LRMDA: variants seen among roughly 807,000 people sequenced by gnomAD.
LRMDA encodes the protein leucine-rich melanocyte differentiation-associated protein.
Under a neutral mutation model 29.8 loss-of-function variants are expected in LRMDA, and 18 were observed. The ratio of observed to expected loss-of-function variants is 0.60; its 90% confidence interval spans 0.42 to 0.90. The LOEUF is 0.90. Ranked by LOEUF, LRMDA falls within the 40% of genes least tolerant of loss-of-function variation. LRMDA has a pLI of 0.00. For missense variants in LRMDA, 273 were observed against 273.9 expected (o/e 1.00, Z 0.02); for synonymous variants, 125 against 109.4 (o/e 1.14, Z -0.89).
intron 5 of LRMDA, among the ~76,000 whole-genome samples, chr10:76,096,151 T>G (rs1011440533): frequency 6.6e-6 from 1 of 152,170 alleles, no homozygotes; most frequent in South Asian, 2.1e-4. Flanking sequence ...CATTTTTCTT[T>G]TATAAGTCAT....
intron 6 of LRMDA, among the ~76,000 whole-genome samples, chr10:76,385,333 C>T (rs2132476844): frequency 6.6e-6 from 1 of 152,232 alleles, no homozygotes; most frequent in African/African-American, 2.4e-5. Context: ...TCTAAGGGAG[C>T]TCTAAAAATA....
Position 75,869,911 on chromosome 10 carries a change from A to G in LRMDA, c.132-166097A>G, listed in dbSNP as rs561724517. On this transcript the variant is annotated intron_variant, in intron 2 of 6. Transcript: ENST00000611255. ...AAAGATAATTTCCTGTGAATCTGTC[A>G]TACTCTATGTGCTTTCTCTACTCTT... 1.6e-4 allele frequency among the ~76,000 whole-genome samples: 25 copies of G among 152,226 alleles called. No homozygotes were observed. In the South Asian group the frequency reaches 3.1e-3, roughly 19 times the overall value.
intron 6 of LRMDA, among the ~76,000 whole-genome samples, chr10:76,505,559 G>C (rs2132346703): frequency 6.6e-6 from 1 of 152,138 alleles, no homozygotes; most frequent in African/African-American, 2.4e-5. Flanking sequence ...TGCTGTTAAT[G>C]CTTCTTATTG....
intron 2 of LRMDA, among the ~76,000 whole-genome samples, chr10:75,758,165 G>A (rs529908244): frequency 6.6e-6 from 1 of 152,298 alleles, no homozygotes; most frequent in East Asian, 1.9e-4. Flanking sequence ...TTCTGAAGCC[G>A]GTGTCCTAAT....
chr10:76,228,114 C>T (rs1170321578), intron 5 of LRMDA, among the ~76,000 whole-genome samples: 4 of 151,892 alleles, frequency 2.6e-5, no homozygotes, highest in South Asian at 2.1e-4. Flanking sequence ...GTCCGCCTCC[C>T]GGGTTCAAGT....
At position 75,845,703 on chromosome 10, in the gene LRMDA, C is replaced by T. The variant is rs554981957; in HGVS notation, c.132-190305C>T. Among the ~76,000 whole-genome samples the T allele has an allele frequency of 2.0e-5, 3 of 152,212 alleles. No homozygotes were observed. In the South Asian group the frequency reaches 6.2e-4, roughly 32 times the overall value. On this transcript the variant is annotated intron_variant, in intron 2 of 6. Transcript: ENST00000611255. Reference sequence around the variant, plus strand: ...TATTTTGAGTGTTTGATTATGGCTCCCCCCTGGCACATCTACATGTTTTGT... The same window carrying T: ...TATTTTGAGTGTTTGATTATGGCTCTCCCCTGGCACATCTACATGTTTTGT...
At chr10:76,080,030 G>C (rs1247980364) in intron 5 of LRMDA, among the ~76,000 whole-genome samples, 2 of 152,022 alleles carry the variant, frequency 1.3e-5, no homozygotes, top group African/African-American at 4.8e-5. Context: ...AGTTTAACTA[G>C]ATCAGTGTAT....
intron 5 of LRMDA, among the ~76,000 whole-genome samples, chr10:76,281,995 A>AT (rs958151601): frequency 2.0e-5 from 3 of 152,132 alleles, no homozygotes; most frequent in African/African-American, 7.2e-5. Context: ...ACAGATTTGC[A>AT]TTTTTTGGTG....
intron 6 of LRMDA, among the ~76,000 whole-genome samples, chr10:76,477,593 AG>A (rs1367081984): frequency 6.6e-6 from 1 of 152,188 alleles, no homozygotes; most frequent in African/African-American, 2.4e-5. Context: ...CGCATCGCCA[AG>A]GCAATCCTAA....
chr10:76,135,144 A>G (rs1442875014), intron 5 of LRMDA, among the ~76,000 whole-genome samples: 1 of 152,266 alleles, frequency 6.6e-6, no homozygotes, highest in African/African-American at 2.4e-5. Flanking sequence ...TGGAGCATGA[A>G]TTATACTATA....
chr10:76,558,467 G>C lies in LRMDA; in HGVS notation c.*1179G>C, dbSNP rs1843585499. The C allele has an allele frequency of 6.6e-6, 1 of 152,220 alleles. No individual in the cohort carries two copies. The highest frequency in any genetic ancestry group is 6.5e-5 in the Admixed American group (1 of 15,288). The allele number at this position is 152,220 out of a possible 1,614,324, so 9.4% of individuals were successfully genotyped here. A position where few individuals can be genotyped will look rare whatever the true frequency, so the allele number is the denominator to read the frequency against. On this transcript the variant is annotated 3_prime_UTR_variant, in exon 7 of 7. Transcript: ENST00000611255. ...AGGAACATAAGTGTGATCATTGCTA[G>C]TTGGGTGACTCAAAGTTTATCTAAC...
chr10:75,967,902 C>T (rs992475832), intron 2 of LRMDA, among the ~76,000 whole-genome samples: 8 of 152,144 alleles, frequency 5.3e-5, no homozygotes, highest in Admixed American at 5.2e-4. Flanking sequence ...TGAGGGAGGT[C>T]AGGAGGAACC....
chr10:76,068,047 T>C (rs1015091908), intron 5 of LRMDA, among the ~76,000 whole-genome samples: 1 of 152,248 alleles, frequency 6.6e-6, no homozygotes, highest in Non-Finnish European at 1.5e-5. Context: ...AGAAACATCA[T>C]GAACATTGTT....
chr10:76,081,430 G>A (rs887949766), intron 5 of LRMDA, among the ~76,000 whole-genome samples: 1 of 152,216 alleles, frequency 6.6e-6, no homozygotes, highest in Admixed American at 6.5e-5. Context: ...TCCAAGCTGG[G>A]TGACAGAATG....
chr10:75,926,064 T>C (rs1846115319), intron 2 of LRMDA, among the ~76,000 whole-genome samples: 1 of 152,196 alleles, frequency 6.6e-6, no homozygotes, highest in Admixed American at 6.5e-5. Flanking sequence ...TCAGGTAGTC[T>C]GGTAGCAGAG....
At chr10:76,254,418 A>ATGCTATGCTATGCTATG (rs1564701610) in intron 5 of LRMDA, among the ~76,000 whole-genome samples, 10 of 64,974 alleles carry the variant, frequency 1.5e-4, no homozygotes, top group Non-Finnish European at 3.4e-4. Context: ...GCTATGCTAT[A>ATGCTATGCTATGCTATG]CTATACTATA....
chr10:76,224,688 T>C (rs1341357889), intron 5 of LRMDA, among the ~76,000 whole-genome samples: 1 of 150,966 alleles, frequency 6.6e-6, no homozygotes, highest in African/African-American at 2.4e-5. Context: ...TTTTTTTTTT[T>C]TTACCGGACA....
intron 2 of LRMDA, among the ~76,000 whole-genome samples, chr10:76,004,531 G>A (rs1453538442): frequency 1.3e-5 from 2 of 152,164 alleles, no homozygotes; most frequent in Non-Finnish European, 2.9e-5. Context: ...CTTACAGAAA[G>A]AGCGGCAGAC....
intron 6 of LRMDA, among the ~76,000 whole-genome samples, chr10:76,533,512 C>G (rs1329473520): frequency 6.6e-6 from 1 of 152,172 alleles, no homozygotes; most frequent in Non-Finnish European, 1.5e-5. Flanking sequence ...CCAAGAACAA[C>G]TTGCTGTCAT....
Sources: gnomAD v4.1 joint callset for allele counts (sites outside exome capture counted in the v4.1 genomes callset) on GRCh38, gnomAD v4.1.1 for gene constraint, MANE v1.5 for transcripts, NCBI Gene and HGNC (gene_info 2026-07-23, HGNC 2026-07-21) for gene names.